ZNF700: variants seen among roughly 807,000 people sequenced by gnomAD.
The protein encoded by ZNF700 is zinc finger protein 700.
Under a neutral mutation model 65.3 loss-of-function variants are expected in ZNF700, and 38 were observed. The ratio of observed to expected loss-of-function variants is 0.58; its 90% CI spans 0.45 to 0.76. ZNF700 has a LOEUF of 0.76. Ranked by LOEUF, ZNF700 falls within the 30% of genes least tolerant of loss-of-function variation. The pLI, the probability that ZNF700 is intolerant of heterozygous loss-of-function variation, is 0.00. For synonymous variants in ZNF700, 285 were observed against 290.4 expected, an observed-to-expected ratio of 0.98 and a Z score of 0.19; for missense variants, 857 against 888.4, an observed-to-expected ratio of 0.96 and a Z score of 0.45.
chr19:11,947,365 T>G (rs1972976506), intron 2 of ZNF700, 58 bp downstream of exon 2: 1 of 1,609,982 alleles, frequency 6.2e-7, no homozygotes, highest in African/African-American at 1.3e-5. Flanking sequence ...TTCTAGCTCA[T>G]GAATGCTGTT....
chr19:11,946,114 T>C lies in ZNF700; in HGVS notation c.64-1067T>C, dbSNP rs564632001. Among the ~76,000 whole-genome samples the C allele has an allele frequency of 8.9e-4, 136 of 152,298 alleles. 1 individual carries two copies. Among genetic ancestry groups the C allele is most frequent in the Non-Finnish European group, 1.4e-3 (95 of 68,018 alleles). Reference sequence around the variant, plus strand: ...TGGTCCCCCTTAGTCCAGTAGCCCTTCTGCCAGATTAAACAAGGCCCTTTC... The same window carrying C: ...TGGTCCCCCTTAGTCCAGTAGCCCTCCTGCCAGATTAAACAAGGCCCTTTC... On this transcript the variant is annotated intron_variant, in intron 1 of 3. Coordinates refer to ENST00000254321, the MANE Select transcript of ZNF700 (RefSeq NM_144566.3).
chr19:11,948,175 A>G lies in ZNF700; in HGVS notation c.252-101A>G, dbSNP rs140053726. On this transcript the variant is annotated intron_variant, in intron 3 of 3. Coordinates refer to ENST00000254321, the MANE Select transcript of ZNF700 (RefSeq NM_144566.3). ...GATTCAGACAGGGCAGAAAGCCTAC[A>G]CTTTGATGGACAGTGTTAAAAATGC... 5,561 of 1,356,166 alleles carry G rather than the reference A, an allele frequency of 4.1e-3. 23 individuals carry two copies. Among genetic ancestry groups the G allele is most frequent in the Middle Eastern group, 0.019 (76 of 3,974 alleles). 84.0% of individuals were successfully genotyped at this position (1,356,166 alleles called of 1,614,324 possible).
At chr19:11,928,230 G>A (rs1050412958) in intron 1 of ZNF700, among the ~76,000 whole-genome samples, 5 of 152,104 alleles carry the variant, frequency 3.3e-5, no homozygotes, top group Non-Finnish European at 5.9e-5. Context: ...AAACAGTCCT[G>A]CTTCCTTGGC....
chr19:11,939,947 G>GT (rs1293685607), intron 1 of ZNF700: 5 of 144,502 alleles, frequency 3.5e-5, no homozygotes, highest in African/African-American at 1.4e-4. Context: ...GTAACAAGAC[G>GT]TTTTCTTTTT....
rs780610204 is a variant in ZNF700, at chr19:11,949,939, G to A, written c.1915G>A (p.Glu639Lys). Reference sequence around the variant, plus strand: ...ATCTGCCTCAAACCTTCAGATGCATGAAAGGACTCACACTGGAGAGAAACC... The same window carrying A: ...ATCTGCCTCAAACCTTCAGATGCATAAAAGGACTCACACTGGAGAGAAACC... ...FRSASNLQMHERTHTGEKPYE... is the reference protein window; with the variant it reads ...FRSASNLQMHKRTHTGEKPYE... The change falls in exon 4 of 4, where the codon GAA becomes AAA. Residue 639 changes from glutamate to lysine, a missense_variant. Coordinates refer to ENST00000254321, the MANE Select transcript of ZNF700 (RefSeq NM_144566.3). 9 of 1,614,004 alleles carry A rather than the reference G, an allele frequency of 5.6e-6. No individual in the cohort carries two copies. In the African/African-American group the frequency reaches 1.2e-4, roughly 22 times the overall value.
chr19:11,936,620 T>A (rs1186356983), intron 1 of ZNF700, among the ~76,000 whole-genome samples: 1 of 152,210 alleles, frequency 6.6e-6, no homozygotes, highest in Non-Finnish European at 1.5e-5. Context: ...TGCAAAAATT[T>A]TCTCTCATTC....
chr19:11,934,358 T>C (rs1188614846), intron 1 of ZNF700, among the ~76,000 whole-genome samples: 1 of 147,898 alleles, frequency 6.8e-6, no homozygotes. Context: ...TCTTCAGACC[T>C]CCGCAGACTG....
rs893311587 is a variant in ZNF700, at chr19:11,932,453, C to G, written c.63+7180C>G. Among the ~76,000 whole-genome samples, 4 of 148,218 alleles carry G rather than the reference C, an allele frequency of 2.7e-5. 1 individual carries two copies. In the South Asian group the frequency reaches 8.3e-4, roughly 31 times the overall value. ...CTGTATAGAGTGTGCATTCTAGAAA[C>G]TAACTAAAAGTATTACATATGCACA... On this transcript the variant is annotated intron_variant, in intron 1 of 3. Coordinates refer to ENST00000254321, the MANE Select transcript of ZNF700 (RefSeq NM_144566.3).
chr19:11,925,210 T>C lies in ZNF700; in HGVS notation c.-1T>C, dbSNP rs1972605395. The C allele has an allele frequency of 3.1e-6, 5 of 1,612,348 alleles. No individual in the cohort carries two copies. The East Asian group carries it at 1.1e-4, about 36-fold the overall frequency. ...GCTTCTGTCGCTCTGTCGCCTGCGC[T>C]ATGCCCTGCTGTAGTCACAGGAGCT... is the stretch of plus-strand genomic sequence containing the variant. On this transcript the variant is annotated 5_prime_UTR_variant, in exon 1 of 4. Transcript: ENST00000254321.
intron 1 of ZNF700, among the ~76,000 whole-genome samples, chr19:11,936,002 C>T (rs1270348143): frequency 1.3e-5 from 2 of 152,178 alleles, no homozygotes; most frequent in Admixed American, 1.3e-4. Context: ...ATGATGATTT[C>T]CAGTTTCATC....
chr19:11,950,443 GA>G lies in ZNF700; in HGVS notation c.*193del. Reference sequence around the variant, plus strand: ...TCCTTTTACTTCTTTTCAATGTCATGAAAGGACTCACACGGGAGAGAAACCC... The same window carrying G: ...TCCTTTTACTTCTTTTCAATGTCATGAAGGACTCACACGGGAGAGAAACCC... On this transcript the variant is annotated 3_prime_UTR_variant, in exon 4 of 4. Coordinates refer to ENST00000254321, the MANE Select transcript of ZNF700 (RefSeq NM_144566.3). The G allele has an allele frequency of 1.4e-6, 1 of 734,440 alleles. No individual in the cohort carries two copies. The highest frequency in any genetic ancestry group is 2.4e-6 in the Non-Finnish European group (1 of 415,238). 45.5% of individuals were successfully genotyped at this position (734,440 alleles called of 1,614,324 possible).
In ZNF700 at chr19:11,950,683, A is replaced by G. The variant is rs540336253; in HGVS notation, c.*430A>G. 2.4e-4 allele frequency: 66 copies of G among 269,398 alleles called. No homozygotes were observed. Among genetic ancestry groups the G allele is most frequent in the African/African-American group, 1.2e-3 (52 of 43,988 alleles). 16.7% of individuals were successfully genotyped at this position (269,398 alleles called of 1,614,324 possible). ...CTTTGAATACAGATAATTAATGTAA[A>G]CAATTATCATAAGTATACTAACATG... is the stretch of plus-strand genomic sequence containing the variant. On this transcript the variant is annotated 3_prime_UTR_variant, in exon 4 of 4. Transcript: ENST00000254321.
intron 1 of ZNF700, 108 bp from the exon 2 acceptor site, chr19:11,947,073 A>T: frequency 6.7e-7 from 1 of 1,489,102 alleles, no homozygotes; most frequent in Non-Finnish European, 9.0e-7. Flanking sequence ...GAAGCAGGGA[A>T]TAAATGTTTG....
rs774609334 is a variant in ZNF700, at chr19:11,949,734, G to T, written c.1710G>T (p.Gly570=). Residue 570 remains glycine (G), a synonymous_variant, in exon 4 of 4, where the codon GGG becomes GGT. Coordinates refer to ENST00000254321, the MANE Select transcript of ZNF700 (RefSeq NM_144566.3). ...GEKPYECKQC[G]KAFRSASHLR... ...AACCCTATGAGTGTAAGCAATGTGG[G>T]AAAGCCTTCAGATCTGCCTCACACC... 1 of 1,613,092 alleles carries T rather than the reference G, an allele frequency of 6.2e-7. No homozygotes were observed. The highest frequency in any genetic ancestry group is 8.5e-7 in the Non-Finnish European group (1 of 1,179,840).
At chr19:11,947,683 T>A in intron 3 of ZNF700, 109 bp downstream of exon 3, 1 of 1,105,474 alleles carries the variant, frequency 9.0e-7, no homozygotes, top group Non-Finnish European at 1.3e-6. Flanking sequence ...CAAATTCATT[T>A]CTTCTTAGAA....
chr19:11,933,698 T>A (rs1420351846), intron 1 of ZNF700, among the ~76,000 whole-genome samples: 1 of 148,024 alleles, frequency 6.8e-6, no homozygotes, highest in Non-Finnish European at 1.5e-5. Context: ...CCTTTGTTGC[T>A]TGACAACTCA....
Position 11,938,071 on chromosome 19 carries a change from G to GT in ZNF700, c.64-9104dup, listed in dbSNP as rs553552346. Among the ~76,000 whole-genome samples the GT allele has an allele frequency of 1.6e-4, 24 of 151,640 alleles. 2 individuals carry two copies. In the South Asian group the frequency reaches 4.4e-3, roughly 28 times the overall value. ...CTGCCTCTATTTATTCATTCTTGTC[G>GT]TTTTTTGTTCGTTTGGAGACGGAGT... On this transcript the variant is annotated intron_variant, in intron 1 of 3. Transcript: ENST00000254321.
Position 11,929,805 on chromosome 19 carries a change from A to G in ZNF700, c.63+4532A>G, listed in dbSNP as rs1433130581. 3.4e-5 allele frequency among the ~76,000 whole-genome samples: 5 copies of G among 148,202 alleles called. 1 individual carries two copies. The highest frequency in any genetic ancestry group is 5.3e-5 in the African/African-American group (2 of 37,896). On this transcript the variant is annotated intron_variant, in intron 1 of 3. Transcript: ENST00000254321. ...CTTGCAGTGAAATCTGTTTCTGAAC[A>G]TTTCACATGAGAGGAAAGCAGAGAA...
At chr19:11,943,425 A>G (rs1407611262) in intron 1 of ZNF700, among the ~76,000 whole-genome samples, 1 of 152,210 alleles carries the variant, frequency 6.6e-6, no homozygotes, top group Non-Finnish European at 1.5e-5. Flanking sequence ...CAGTTTTAGT[A>G]GTGATTATTT....
Sources: allele counts gnomAD v4.1 joint callset (sites outside exome capture counted in the v4.1 genomes callset), GRCh38; gene constraint gnomAD v4.1.1; transcripts MANE v1.5; gene names NCBI Gene and HGNC (gene_info 2026-07-23, HGNC 2026-07-21).